NDST4: variants seen among roughly 807,000 people sequenced by gnomAD.
NDST4 encodes N-heparan sulfate sulfotransferase 4.
In NDST4, 63 loss-of-function variants were observed where a neutral mutation model predicts 100.8. The observed-to-expected ratio is 0.62, with a 90% CI of 0.51 to 0.77. The LOEUF (loss-of-function observed/expected upper bound fraction) is 0.77, where lower values mean the gene tolerates loss of function less well. Ranked by LOEUF, NDST4 falls within the 30% of genes least tolerant of loss-of-function variation. The pLI is 0.00. For synonymous variants in NDST4, 377 were observed against 361.8 expected, an observed-to-expected ratio of 1.04 and a Z score of -0.48; for missense variants, 943 against 1,018.4, an observed-to-expected ratio of 0.93 and a Z score of 1.01.
rs1463814290 is a variant in NDST4 at position 115,056,016 on chromosome 4, A to G, written c.978+20043T>C. 2.6e-5 allele frequency among the ~76,000 whole-genome samples: 4 copies of G among 152,260 alleles called. No individual in the cohort carries two copies. In the East Asian group the frequency reaches 7.7e-4, roughly 29 times the overall value. ...AAATTTGAAAAATACTAATAAGGGC[A>G]TTACTGATAATATAATTAATATTAA... is the stretch of plus-strand genomic sequence containing the variant. On this transcript the variant is annotated intron_variant, in intron 2 of 13. Transcript: ENST00000264363.
chr4:114,965,480 T>A (rs1314099332), intron 4 of NDST4, among the ~76,000 whole-genome samples: 1 of 152,056 alleles, frequency 6.6e-6, no homozygotes, highest in African/African-American at 2.4e-5. Flanking sequence ...AAAAGTTATA[T>A]AGATTTCATA....
chr4:115,091,352 AATC>A (rs1729515670), intron 1 of NDST4, among the ~76,000 whole-genome samples: 1 of 152,078 alleles, frequency 6.6e-6, no homozygotes, highest in East Asian at 1.9e-4. Context: ...TCAAAGGATT[AATC>A]ATTTATTTTT....
chr4:115,016,995 A>G (rs929893521), intron 2 of NDST4, among the ~76,000 whole-genome samples: 5 of 146,232 alleles, frequency 3.4e-5, no homozygotes, highest in South Asian at 2.2e-4. Flanking sequence ...TCATGTGTGT[A>G]TGTGTGTGTG....
intron 1 of NDST4, among the ~76,000 whole-genome samples, chr4:115,112,888 C>A (rs188372470): frequency 1.3e-5 from 2 of 151,858 alleles, no homozygotes; most frequent in South Asian, 2.1e-4. Flanking sequence ...GCACCTATTT[C>A]TTTATAAGCA....
intron 6 of NDST4, among the ~76,000 whole-genome samples, chr4:114,909,963 T>A (rs1725031135): frequency 3.3e-5 from 5 of 152,226 alleles, no homozygotes; most frequent in Admixed American, 3.3e-4. Flanking sequence ...TCTGAACAGA[T>A]AATTATTTGG....
At chr4:114,863,261 C>T (rs913828974) in intron 7 of NDST4, among the ~76,000 whole-genome samples, 1 of 152,178 alleles carries the variant, frequency 6.6e-6, no homozygotes, top group African/African-American at 2.4e-5. Flanking sequence ...ATATTATTAT[C>T]CCTTCTTGAT....
intron 4 of NDST4, among the ~76,000 whole-genome samples, chr4:114,969,190 T>C (rs180721054): frequency 0.033 from 4,978 of 150,826 alleles, 197 homozygotes; most frequent in African/African-American, 0.089. Flanking sequence ...GGCGGGCGCC[T>C]GTAGTCCCAG....
At chr4:115,111,128 G>A (rs1008758037) in intron 1 of NDST4, among the ~76,000 whole-genome samples, 1 of 151,886 alleles carries the variant, frequency 6.6e-6, no homozygotes, top group Non-Finnish European at 1.5e-5. Context: ...TATTTCCAAA[G>A]GCCCCCTTTC....
intron 11 of NDST4, among the ~76,000 whole-genome samples, chr4:114,835,711 T>C (rs536138572): frequency 1.3e-5 from 2 of 152,206 alleles, no homozygotes; most frequent in South Asian, 4.1e-4. Flanking sequence ...GACAGTGGGG[T>C]GTTAAAGTTT....
intron 12 of NDST4, among the ~76,000 whole-genome samples, chr4:114,830,325 G>T (rs1723167943): frequency 1.3e-5 from 2 of 152,180 alleles, no homozygotes; most frequent in Admixed American, 1.3e-4. Context: ...GGGGTTGAAT[G>T]TAATGTAGGT....
chr4:115,072,308 T>C (rs7671429), intron 2 of NDST4, among the ~76,000 whole-genome samples: 23,817 of 151,978 alleles, frequency 0.16, 2,275 homozygotes, highest in East Asian at 0.46. Context: ...ATACAATTCC[T>C]AACAAAATTC....
intron 7 of NDST4, among the ~76,000 whole-genome samples, chr4:114,866,831 C>A (rs1331278446): frequency 2.0e-5 from 3 of 152,066 alleles, no homozygotes; most frequent in Admixed American, 2.0e-4. Flanking sequence ...TCCATGAAGG[C>A]AAGAATTTTC....
At chr4:115,083,638 A>T (rs926233981) in intron 1 of NDST4, among the ~76,000 whole-genome samples, 1 of 151,978 alleles carries the variant, frequency 6.6e-6, no homozygotes, top group African/African-American at 2.4e-5. Context: ...CATAATCCCC[A>T]TGTGTTGTAG....
intron 2 of NDST4, among the ~76,000 whole-genome samples, chr4:114,985,901 G>A (rs559897713): frequency 1.3e-5 from 2 of 152,266 alleles, no homozygotes; most frequent in East Asian, 3.9e-4. Flanking sequence ...GACCTGGGGA[G>A]TCTGCTCCAA....
At chr4:115,041,025 A>G (rs558134737) in intron 2 of NDST4, among the ~76,000 whole-genome samples, 2 of 152,170 alleles carry the variant, frequency 1.3e-5, no homozygotes, top group South Asian at 2.1e-4. Flanking sequence ...TGAGTAACCA[A>G]ATAGAAGAGA....
At chr4:114,920,136 T>C (rs996666759) in intron 6 of NDST4, among the ~76,000 whole-genome samples, 4 of 152,178 alleles carry the variant, frequency 2.6e-5, no homozygotes, top group African/African-American at 7.2e-5. Flanking sequence ...TATGTATAAA[T>C]ATATATTGAC....
rs748875213 is a variant in NDST4 at position 114,836,577 on chromosome 4, T to C, written c.2286+2801A>G. On this transcript the variant is annotated intron_variant, in intron 11 of 13. Coordinates refer to ENST00000264363, the MANE Select transcript of NDST4 (RefSeq NM_022569.3). ...TTTTCTTCGTTTCAACCTTGGAGAATCTGATGATTATGTGTCTTAGGGTTG... is the reference window on the plus strand; with the variant it reads ...TTTTCTTCGTTTCAACCTTGGAGAACCTGATGATTATGTGTCTTAGGGTTG... Among the ~76,000 whole-genome samples the C allele has an allele frequency of 2.5e-4, 38 of 152,280 alleles. 1 individual carries two copies. The highest frequency in any genetic ancestry group is 6.8e-3 in the Middle Eastern group (2 of 294).
intron 2 of NDST4, among the ~76,000 whole-genome samples, chr4:115,038,946 C>T (rs188837860): frequency 1.3e-5 from 2 of 152,142 alleles, no homozygotes; most frequent in East Asian, 3.9e-4. Flanking sequence ...CCCCATTGTA[C>T]TCCAGCCTGA....
At chr4:115,061,273 G>T (rs1197048452) in intron 2 of NDST4, among the ~76,000 whole-genome samples, 1 of 152,010 alleles carries the variant, frequency 6.6e-6, no homozygotes, top group African/African-American at 2.4e-5. Flanking sequence ...CCATTACTGG[G>T]TATATACCCA....
Sources: allele counts gnomAD v4.1 joint callset (sites outside exome capture counted in the v4.1 genomes callset), GRCh38; gene constraint gnomAD v4.1.1; transcripts MANE v1.5; gene names NCBI Gene and HGNC (gene_info 2026-07-23, HGNC 2026-07-21).